Variants in AKAP13 observed in about 807,000 individuals in gnomAD.
The protein encoded by AKAP13 is A-kinase anchor protein 13.
In AKAP13, 80 loss-of-function variants were observed where a neutral mutation model predicts 264.5. The ratio of observed to expected loss-of-function variants is 0.30; its 90% confidence interval spans 0.25 to 0.36. The LOEUF is 0.36. Among genes scored for constraint, AKAP13 ranks in the 10% least tolerant of loss-of-function variants. The probability of loss-of-function intolerance (pLI) is 1.00; values close to 1 mark genes in which losing one functional copy is unlikely to be tolerated. For synonymous variants in AKAP13, 1,380 were observed against 1,250.2 expected, an observed-to-expected ratio of 1.10 and a Z score of -2.19; for missense variants, 3,712 against 3,435.2, an observed-to-expected ratio of 1.08 and a Z score of -2.01.
intron 16 of AKAP13, among the ~76,000 whole-genome samples, chr15:85,690,282 G>A (rs908521738): frequency 2.6e-5 from 4 of 152,262 alleles, no homozygotes; most frequent in East Asian, 1.9e-4. Context: ...GGATAAGCTG[G>A]TTGCCATAAA....
chr15:85,415,087 A>G, intron 1 of AKAP13: 1 of 608,560 alleles, frequency 1.6e-6, no homozygotes, highest in Non-Finnish European at 2.9e-6. Flanking sequence ...GTTACTCTGA[A>G]AATTCATAAT....
intron 5 of AKAP13, among the ~76,000 whole-genome samples, chr15:85,559,091 G>A (rs886832016): frequency 1.3e-5 from 2 of 151,320 alleles, no homozygotes; most frequent in African/African-American, 4.9e-5. Context: ...CTTTTTTCCT[G>A]TTCTCATTAC....
At chr15:85,431,410 A>T (rs1260165182) in intron 1 of AKAP13, among the ~76,000 whole-genome samples, 3 of 152,212 alleles carry the variant, frequency 2.0e-5, no homozygotes, top group African/African-American at 7.2e-5. Flanking sequence ...CATGTGTAAA[A>T]CAAGGGTAGT....
intron 1 of AKAP13, among the ~76,000 whole-genome samples, chr15:85,434,510 T>G (rs1273653894): frequency 6.6e-6 from 1 of 152,120 alleles, no homozygotes; most frequent in Non-Finnish European, 1.5e-5. Flanking sequence ...GCTCCACCTC[T>G]GGGGGCAGGG....
intron 4 of AKAP13, among the ~76,000 whole-genome samples, chr15:85,542,150 T>C (rs1179258970): frequency 6.6e-6 from 1 of 152,206 alleles, no homozygotes; most frequent in Non-Finnish European, 1.5e-5. Context: ...ATTTGATCTT[T>C]TGTGAGGATT....
intron 1 of AKAP13, among the ~76,000 whole-genome samples, chr15:85,465,144 G>A (rs1448872066): frequency 1.4e-5 from 2 of 146,814 alleles, no homozygotes; most frequent in Non-Finnish European, 3.0e-5. Context: ...TAGTAGAGAC[G>A]GGGTTTCATG....
At chr15:85,743,899 A>G (rs1451822894) in intron 36 of AKAP13, 74 bp downstream of exon 36, 29 of 1,500,794 alleles carry the variant, frequency 1.9e-5, no homozygotes, top group Non-Finnish European at 2.4e-5. Flanking sequence ...TTTTAGTGGC[A>G]TGGGGCGGGG....
rs10574160 is a variant in AKAP13, at chr15:85,601,608, T to TTGTGTGTGTGTGTGTGTGTGTGTGTG, written c.4161+15801_4161+15826dup. 2.0e-3 allele frequency among the ~76,000 whole-genome samples: 270 copies of TTGTGTGTGTGTGTGTGTGTGTGTGTG among 132,062 alleles called. 1 individual carries two copies. The highest frequency in any genetic ancestry group is 4.0e-3 in the Middle Eastern group (1 of 248). 86.6% of individuals were successfully genotyped at this position (132,062 alleles called of 152,430 possible). A position where few individuals can be genotyped will look rare whatever the true frequency, so the allele number is the denominator to read the frequency against. On this transcript the variant is annotated intron_variant, in intron 8 of 36. Coordinates refer to ENST00000394518, the MANE Select transcript of AKAP13 (RefSeq NM_007200.5). Reference sequence around the variant, plus strand: ...TCTCATCTTCTCTCACCTGAATTCTTTGTGTGTGTGTGTGTGTGTGTGTGT... The same window carrying TTGTGTGTGTGTGTGTGTGTGTGTGTG: ...TCTCATCTTCTCTCACCTGAATTCTTTGTGTGTGTGTGTGTGTGTGTGTGTGTGTGTGTGTGTGTGTGTGTGTGTGT...
rs773396099 is a variant in AKAP13 at position 85,629,764 on chromosome 15, C to CTTTTTTTTTTTTTTTTTTTTTTTT, written c.4162-9600_4162-9577dup. Among the ~76,000 whole-genome samples, 2 of 50,504 alleles carry CTTTTTTTTTTTTTTTTTTTTTTTT rather than the reference C, an allele frequency of 4.0e-5. 1 individual carries two copies. Among genetic ancestry groups the CTTTTTTTTTTTTTTTTTTTTTTTT allele is most frequent in the Non-Finnish European group, 7.4e-5 (2 of 26,950 alleles). 33.1% of individuals were successfully genotyped at this position (50,504 alleles called of 152,430 possible). Reference sequence around the variant, plus strand: ...GAAATATAATGAGTTCCTTTACAGCCTTTTTTTTTTTTTTTTTTTTTTTTT... The same window carrying CTTTTTTTTTTTTTTTTTTTTTTTT: ...GAAATATAATGAGTTCCTTTACAGCCTTTTTTTTTTTTTTTTTTTTTTTTTTTTTTTTTTTTTTTTTTTTTTTTT... On this transcript the variant is annotated intron_variant, in intron 8 of 36. Coordinates refer to ENST00000394518, the MANE Select transcript of AKAP13 (RefSeq NM_007200.5).
At chr15:85,664,278 C>T (rs2083483950) in intron 12 of AKAP13, among the ~76,000 whole-genome samples, 1 of 152,076 alleles carries the variant, frequency 6.6e-6, no homozygotes, top group African/African-American at 2.4e-5. Flanking sequence ...ATGGTCTGTC[C>T]ATATAGTGTG....
intron 18 of AKAP13, 71 bp from the exon 19 acceptor site, chr15:85,710,508 T>C: frequency 6.8e-7 from 1 of 1,479,404 alleles, no homozygotes; most frequent in South Asian, 1.2e-5. Flanking sequence ...AACTGCTTGC[T>C]CCCTTCCTAC....
At position 85,746,903 on chromosome 15, in the gene AKAP13, C is replaced by G. The variant is rs981315526; in HGVS notation, c.*2226C>G. ...GGTTGGTGCTGATGGGATTTACTTG[C>G]GTACGTGCTCTTCACAAAAACACCG... On this transcript the variant is annotated 3_prime_UTR_variant, in exon 37 of 37. Coordinates refer to ENST00000394518, the MANE Select transcript of AKAP13 (RefSeq NM_007200.5). 1 of 152,170 alleles carries G rather than the reference C, an allele frequency of 6.6e-6. No individual in the cohort carries two copies. The highest frequency in any genetic ancestry group is 2.4e-5 in the African/African-American group (1 of 41,428). The allele number at this position is 152,170 out of a possible 1,614,324, so 9.4% of individuals were successfully genotyped here. A position where few individuals can be genotyped will look rare whatever the true frequency, so the allele number is the denominator to read the frequency against.
intron 4 of AKAP13, chr15:85,534,759 T>C (rs989118321): frequency 7.2e-5 from 11 of 152,146 alleles, no homozygotes; most frequent in African/African-American, 2.7e-4. Context: ...TTTTCAAAAA[T>C]ATTTACATAG....
At chr15:85,621,905 C>G (rs1336072618) in intron 8 of AKAP13, among the ~76,000 whole-genome samples, 2 of 152,002 alleles carry the variant, frequency 1.3e-5, no homozygotes, top group African/African-American at 2.4e-5. Context: ...ACTATCCTGC[C>G]CAATAAATAA....
At chr15:85,621,788 C>T (rs1352085591) in intron 8 of AKAP13, among the ~76,000 whole-genome samples, 1 of 152,062 alleles carries the variant, frequency 6.6e-6, no homozygotes, top group African/African-American at 2.4e-5. Flanking sequence ...TTTTCTCGAG[C>T]ATGGTAAGGG....
intron 4 of AKAP13, among the ~76,000 whole-genome samples, chr15:85,543,121 A>C (rs147167701): frequency 3.1e-4 from 47 of 152,236 alleles, no homozygotes; most frequent in Non-Finnish European, 4.7e-4. Context: ...TTATTAGTGG[A>C]TTGTCTTAGA....
intron 4 of AKAP13, among the ~76,000 whole-genome samples, chr15:85,538,175 A>T (rs2077464722): frequency 6.6e-6 from 1 of 152,102 alleles, no homozygotes. Context: ...CTCCCAGGTA[A>T]TGTAGGGTGG....
At chr15:85,383,881 T>G (rs2070417878) in intron 1 of AKAP13, among the ~76,000 whole-genome samples, 3 of 152,248 alleles carry the variant, frequency 2.0e-5, no homozygotes, top group Admixed American at 1.3e-4. Context: ...AGAGCTGGAC[T>G]GGGTGTTAAC....
chr15:85,530,780 G>A (rs995700399), intron 3 of AKAP13, among the ~76,000 whole-genome samples: 4 of 152,052 alleles, frequency 2.6e-5, no homozygotes, highest in East Asian at 3.9e-4. Context: ...TCCATCCATC[G>A]TTCATCATCC....
Sources: gnomAD v4.1 joint callset for allele counts (sites outside exome capture counted in the v4.1 genomes callset) on GRCh38, gnomAD v4.1.1 for gene constraint, MANE v1.5 for transcripts, NCBI Gene and HGNC (gene_info 2026-07-23, HGNC 2026-07-21) for gene names.